NRXN1: variants seen among roughly 807,000 people sequenced by gnomAD.
NRXN1 encodes the protein neurexin 1.
A neutral mutation model predicts 150.9 loss-of-function variants in NRXN1; 39 were observed. That is an observed-to-expected ratio of 0.26 (90% confidence interval 0.20 to 0.34). The LOEUF (loss-of-function observed/expected upper bound fraction) is 0.34. Ranked by LOEUF, NRXN1 falls within the 10% of genes least tolerant of loss-of-function variation. The pLI is 1.00. For synonymous variants in NRXN1, 924 were observed against 757.0 expected, an observed-to-expected ratio of 1.22 and a Z score of -3.62; for missense variants, 1,815 against 1,949.9, an observed-to-expected ratio of 0.93 and a Z score of 1.30.
chr2:50,444,527 G>A (rs2086234895), intron 17 of NRXN1, among the ~76,000 whole-genome samples: 2 of 152,070 alleles, frequency 1.3e-5, no homozygotes, highest in Admixed American at 6.6e-5. Flanking sequence ...AAGAAGCAGC[G>A]CTGCCTCTAC....
chr2:50,566,810 C>T (rs1669945730), intron 8 of NRXN1, among the ~76,000 whole-genome samples: 1 of 152,108 alleles, frequency 6.6e-6, no homozygotes, highest in African/African-American at 2.4e-5. Flanking sequence ...AGTGCATGCT[C>T]CCCACCCCAT....
chr2:50,251,182 C>T (rs115514727), intron 17 of NRXN1, among the ~76,000 whole-genome samples: 1,532 of 152,068 alleles, frequency 0.01, 25 homozygotes, highest in African/African-American at 0.035. Context: ...TGCTCTCTCT[C>T]CCCCTGGCTC....
chr2:50,829,153 G>A (rs1195513152), intron 5 of NRXN1, among the ~76,000 whole-genome samples: 1 of 152,176 alleles, frequency 6.6e-6, no homozygotes, highest in Non-Finnish European at 1.5e-5. Flanking sequence ...CAGGCAGGGA[G>A]GTTGCAGTGA....
intron 19 of NRXN1, among the ~76,000 whole-genome samples, chr2:50,090,027 T>A (rs1020169068): frequency 6.6e-6 from 1 of 152,228 alleles, no homozygotes. Context: ...ACTGAATGCC[T>A]ACTATTTGCC....
chr2:50,786,169 A>T (rs1243383575), intron 5 of NRXN1, among the ~76,000 whole-genome samples: 2 of 152,138 alleles, frequency 1.3e-5, no homozygotes, highest in African/African-American at 4.8e-5. Flanking sequence ...TACATATATA[A>T]AATATGAATA....
chr2:50,674,985 A>G (rs1465417533), intron 5 of NRXN1, among the ~76,000 whole-genome samples: 1 of 151,608 alleles, frequency 6.6e-6, no homozygotes, highest in Non-Finnish European at 1.5e-5. Context: ...AGGGCAGATG[A>G]TCCCTCAGAA....
rs1668131329 is a variant in NRXN1, at chr2:49,921,175, A to C, written c.*769T>G. On this transcript the variant is annotated 3_prime_UTR_variant, in exon 23 of 23. Coordinates refer to ENST00000401669, the MANE Select transcript of NRXN1 (RefSeq NM_001330078.2). The stretch of plus-strand genomic sequence containing the variant: ...CGTCACTTATCACAGTCCAGAAAGC[A>C]CACAGAGATGGATTTTATATAAACA... The C allele has an allele frequency of 6.6e-6, 1 of 152,644 alleles. No homozygotes were observed. The highest frequency in any genetic ancestry group is 1.5e-5 in the Non-Finnish European group (1 of 68,036). 9.5% of individuals were successfully genotyped at this position (152,644 alleles called of 1,614,324 possible). A position where few individuals can be genotyped will look rare whatever the true frequency, so the allele number is the denominator to read the frequency against.
intron 21 of NRXN1, among the ~76,000 whole-genome samples, chr2:49,963,010 A>C (rs1447500288): frequency 1.3e-5 from 2 of 152,122 alleles, no homozygotes; most frequent in East Asian, 1.9e-4. Context: ...AATAAAATGA[A>C]ACTGACAAAA....
chr2:50,341,578 C>T (rs1428536210), intron 17 of NRXN1, among the ~76,000 whole-genome samples: 1 of 152,188 alleles, frequency 6.6e-6, no homozygotes, highest in Non-Finnish European at 1.5e-5. Flanking sequence ...AATTTTTACA[C>T]AGATATGTTT....
intron 17 of NRXN1, among the ~76,000 whole-genome samples, chr2:50,338,377 A>G (rs1047592606): frequency 1.3e-5 from 2 of 152,144 alleles, no homozygotes; most frequent in African/African-American, 4.8e-5. Flanking sequence ...CATAATTTTC[A>G]GAAATGAGTA....
At chr2:50,219,035 G>A (rs2063602958) in intron 18 of NRXN1, among the ~76,000 whole-genome samples, 1 of 151,968 alleles carries the variant, frequency 6.6e-6, no homozygotes, top group East Asian at 1.9e-4. Flanking sequence ...AAACTCCAGT[G>A]GCTATGGGTT....
intron 18 of NRXN1, among the ~76,000 whole-genome samples, chr2:50,093,428 G>C (rs1699832521): frequency 6.8e-6 from 1 of 147,498 alleles, no homozygotes; most frequent in African/African-American, 2.5e-5. Context: ...ACCAGCCTGG[G>C]AAACATAGCA....
At chr2:50,205,251 C>A (rs2062482199) in intron 18 of NRXN1, among the ~76,000 whole-genome samples, 1 of 151,956 alleles carries the variant, frequency 6.6e-6, no homozygotes, top group South Asian at 2.1e-4. Context: ...GTTTTATCAT[C>A]TGAAAAATGA....
intron 17 of NRXN1, among the ~76,000 whole-genome samples, chr2:50,285,734 A>G (rs1237484318): frequency 1.3e-5 from 2 of 152,208 alleles, no homozygotes; most frequent in Non-Finnish European, 2.9e-5. Flanking sequence ...TAAATGTTTC[A>G]GTATGCCTAC....
chr2:50,846,474 A>G (rs751215893), intron 5 of NRXN1, among the ~76,000 whole-genome samples: 18 of 151,896 alleles, frequency 1.2e-4, no homozygotes, highest in Non-Finnish European at 2.2e-4. Flanking sequence ...TATTTAGCTC[A>G]TGCTACTGTG....
At chr2:50,443,087 C>G (rs1189654815) in intron 17 of NRXN1, among the ~76,000 whole-genome samples, 5 of 152,004 alleles carry the variant, frequency 3.3e-5, no homozygotes, top group Admixed American at 3.3e-4. Context: ...TTTCACAGAG[C>G]TTGGCTGTGA....
chr2:51,005,419 G>T (rs1032758430), intron 2 of NRXN1, among the ~76,000 whole-genome samples: 1 of 151,894 alleles, frequency 6.6e-6, no homozygotes, highest in Admixed American at 6.6e-5. Context: ...ATTTCTTTGT[G>T]CTGGGAACAT....
In NRXN1 at chr2:50,107,155, C is replaced by T. The variant is rs536937762; in HGVS notation, c.3547-15661G>A. On this transcript the variant is annotated intron_variant, in intron 18 of 22. Coordinates refer to ENST00000401669, the MANE Select transcript of NRXN1 (RefSeq NM_001330078.2). ...TTGCGGCATTCCACATACAGATTAG[C>T]TGAGCCTTTCAAAGGTATTGTTGAA... is the stretch of plus-strand genomic sequence containing the variant. Among the ~76,000 whole-genome samples the T allele has an allele frequency of 4.0e-5, 6 of 151,886 alleles. No individual in the cohort carries two copies. In the South Asian group the frequency reaches 6.2e-4, roughly 16 times the overall value.
intron 9 of NRXN1, among the ~76,000 whole-genome samples, chr2:50,546,529 C>T (rs899810702): frequency 3.3e-5 from 5 of 151,660 alleles, no homozygotes; most frequent in Admixed American, 2.0e-4. Context: ...AAACAGATAG[C>T]CTGAAAAATT....
Sources: gnomAD v4.1 joint callset for allele counts (sites outside exome capture counted in the v4.1 genomes callset) on GRCh38, gnomAD v4.1.1 for gene constraint, MANE v1.5 for transcripts, NCBI Gene and HGNC (gene_info 2026-07-23, HGNC 2026-07-21) for gene names.